LRRC7: variants seen among roughly 807,000 people sequenced by gnomAD.
LRRC7 encodes the protein leucine-rich repeat-containing protein 7.
Under a neutral mutation model 175.7 loss-of-function variants are expected in LRRC7, and 23 were observed. That is an observed-to-expected ratio of 0.13 (90% confidence interval 0.09 to 0.19). The LOEUF (loss-of-function observed/expected upper bound fraction) is 0.19. Among genes scored for constraint, LRRC7 ranks in the 10% least tolerant of loss-of-function variants. The probability of loss-of-function intolerance (pLI) is 1.00; values close to 1 mark genes in which losing one functional copy is unlikely to be tolerated. For synonymous variants in LRRC7, 685 were observed against 680.9 expected (o/e 1.01, Z -0.09); for missense variants, 1,354 against 1,904.7 (o/e 0.71, Z 5.38).
intron 1 of LRRC7, among the ~76,000 whole-genome samples, chr1:69,664,525 T>C (rs1657991323): frequency 6.6e-6 from 1 of 152,220 alleles, no homozygotes; most frequent in African/African-American, 2.4e-5. Context: ...TGATATCTCA[T>C]TGCAGTTTTG....
chr1:69,568,484 C>G lies in LRRC7; in HGVS notation c.-156C>G, dbSNP rs1027738420. The G allele has an allele frequency of 3.7e-5, 19 of 518,308 alleles. No individual in the cohort carries two copies. Among genetic ancestry groups the G allele is most frequent in the Non-Finnish European group, 5.3e-5 (17 of 320,026 alleles). 32.1% of individuals were successfully genotyped at this position (518,308 alleles called of 1,614,324 possible). A position where few individuals can be genotyped will look rare whatever the true frequency, so the allele number is the denominator to read the frequency against. Reference sequence around the variant, plus strand: ...GGCACCTTCCTGGATTCCCCTCTATCTCCTGTTCTTCCTACCTTCTACTCC... The same window carrying G: ...GGCACCTTCCTGGATTCCCCTCTATGTCCTGTTCTTCCTACCTTCTACTCC... On this transcript the variant is annotated 5_prime_UTR_variant, in exon 1 of 27. The change creates a new upstream start codon in the 5' untranslated region. Transcript: ENST00000651989.
chr1:69,813,404 T>C, intron 4 of LRRC7, among the ~76,000 whole-genome samples: 1 of 152,118 alleles, frequency 6.6e-6, no homozygotes, highest in East Asian at 1.9e-4. Context: ...CCAGTGATCA[T>C]TTCATACTTC....
At chr1:70,045,142 A>T (rs1660228084) in intron 22 of LRRC7, among the ~76,000 whole-genome samples, 1 of 152,024 alleles carries the variant, frequency 6.6e-6, no homozygotes, top group Non-Finnish European at 1.5e-5. Flanking sequence ...AGACATTTGT[A>T]GCCACAGCTT....
intron 8 of LRRC7, among the ~76,000 whole-genome samples, chr1:69,966,066 GAAAT>G (rs1364328344): frequency 2.0e-5 from 3 of 151,996 alleles, no homozygotes; most frequent in Non-Finnish European, 4.4e-5. Context: ...AAATTAAAAA[GAAAT>G]AAAAAGTTAT....
intron 2 of LRRC7, among the ~76,000 whole-genome samples, chr1:69,717,825 A>AGAAGAAAGAAAG (rs1665645386): frequency 3.5e-5 from 2 of 57,954 alleles, no homozygotes; most frequent in African/African-American, 1.8e-4. Context: ...AAAGAAAGAA[A>AGAAGAAAGAAAG]GAAAGAAAGA....
At chr1:69,648,769 C>T (rs1451873478) in intron 1 of LRRC7, among the ~76,000 whole-genome samples, 1 of 152,176 alleles carries the variant, frequency 6.6e-6, no homozygotes, top group Admixed American at 6.5e-5. Context: ...TCCTGTGTAA[C>T]CAATTTCCTT....
At chr1:69,774,669 A>T (rs1308718572) in intron 3 of LRRC7, among the ~76,000 whole-genome samples, 4 of 152,166 alleles carry the variant, frequency 2.6e-5, no homozygotes, top group African/African-American at 4.8e-5. Context: ...ATTTATGTTT[A>T]AAAAAACTTT....
Position 69,574,809 on chromosome 1 carries a change from G to A in LRRC7, c.2+6168G>A, listed in dbSNP as rs552716953. On this transcript the variant is annotated intron_variant, in intron 1 of 26. Coordinates refer to ENST00000651989, the MANE Select transcript of LRRC7 (RefSeq NM_001370785.2). ...TCATAAAATTAAATAGTTACTATCC[G>A]GTGTTCTTCTGATCAGTGTAATTCA... is the stretch of plus-strand genomic sequence containing the variant. 4.6e-5 allele frequency among the ~76,000 whole-genome samples: 7 copies of A among 152,022 alleles called. No homozygotes were observed. In the East Asian group the frequency reaches 1.2e-3, roughly 25 times the overall value.
At chr1:70,116,649 C>G (rs1665883916) in intron 26 of LRRC7, among the ~76,000 whole-genome samples, 1 of 151,500 alleles carries the variant, frequency 6.6e-6, no homozygotes, top group Non-Finnish European at 1.5e-5. Flanking sequence ...CAAACTTTCT[C>G]ACATTTACAA....
In LRRC7 at chr1:70,143,457, CAT is replaced by C. The variant is rs1163890873; in HGVS notation, c.*21572_*21573del. ...TGCAATAGTAAACATTGACATTTTA[CAT>C]AGACATATTGTATATTAATGCATGC... On this transcript the variant is annotated 3_prime_UTR_variant, in exon 27 of 27. Coordinates refer to ENST00000651989, the MANE Select transcript of LRRC7 (RefSeq NM_001370785.2). 6.6e-6 allele frequency: 1 copy of C among 151,964 alleles called. No individual in the cohort carries two copies. The highest frequency in any genetic ancestry group is 1.5e-5 in the Non-Finnish European group (1 of 67,980). 9.4% of individuals were successfully genotyped at this position (151,964 alleles called of 1,614,324 possible). A position where few individuals can be genotyped will look rare whatever the true frequency, so the allele number is the denominator to read the frequency against.
intron 1 of LRRC7, among the ~76,000 whole-genome samples, chr1:69,650,796 A>G (rs1655725315): frequency 8.2e-6 from 1 of 122,344 alleles, no homozygotes; most frequent in Non-Finnish European, 1.7e-5. Context: ...GAGTGCTTCA[A>G]AATTTTCAGA....
intron 7 of LRRC7, among the ~76,000 whole-genome samples, chr1:69,918,080 A>G (rs367652349): frequency 1.5e-3 from 236 of 152,260 alleles, no homozygotes; most frequent in African/African-American, 5.2e-3. Flanking sequence ...CAATCTATCC[A>G]TACTTTTATC....
chr1:69,693,342 C>G (rs1662139187), intron 2 of LRRC7, among the ~76,000 whole-genome samples: 1 of 152,096 alleles, frequency 6.6e-6, no homozygotes, highest in African/African-American at 2.4e-5. Context: ...AGTCACTGTT[C>G]TCAGGAGAAA....
intron 1 of LRRC7, among the ~76,000 whole-genome samples, chr1:69,627,946 A>G (rs538556438): frequency 1.3e-5 from 2 of 152,088 alleles, no homozygotes; most frequent in Non-Finnish European, 2.9e-5. Context: ...CACAGTTTAC[A>G]GTTTACTTTT....
At chr1:69,880,884 G>A (rs942156282) in intron 7 of LRRC7, among the ~76,000 whole-genome samples, 1 of 152,168 alleles carries the variant, frequency 6.6e-6, no homozygotes, top group Non-Finnish European at 1.5e-5. Context: ...ACACAGCCAT[G>A]TTCAAAGCAA....
Position 69,896,915 on chromosome 1 carries a change from T to G in LRRC7, c.648-34592T>G, listed in dbSNP as rs1308803774. Among the ~76,000 whole-genome samples, 2 of 152,154 alleles carry G rather than the reference T, an allele frequency of 1.3e-5. 1 individual carries two copies. The highest frequency in any genetic ancestry group is 3.8e-4 in the East Asian group (2 of 5,198). On this transcript the variant is annotated intron_variant, in intron 7 of 26. Coordinates refer to ENST00000651989, the MANE Select transcript of LRRC7 (RefSeq NM_001370785.2). ...CAAAGGTTAGCCTCTGAGTCTTCAT[T>G]ATTTGACTTCTACTAGAGCCTTCAG...
rs1369340081 is a variant in LRRC7, at chr1:70,142,796, G to GAAAT, written c.*20911_*20914dup. 6.6e-6 allele frequency: 1 copy of GAAAT among 152,062 alleles called. No individual in the cohort carries two copies. Among genetic ancestry groups the GAAAT allele is most frequent in the East Asian group, 1.9e-4 (1 of 5,188 alleles). The allele number at this position is 152,062 out of a possible 1,614,324, so 9.4% of individuals were successfully genotyped here. ...AACTAGGGTCTTTCTATTCAAAAAAGAAATATTAAACTAACATAAGCAATT... is the reference window on the plus strand; with the variant it reads ...AACTAGGGTCTTTCTATTCAAAAAAGAAATAAATATTAAACTAACATAAGCAATT... On this transcript the variant is annotated 3_prime_UTR_variant, in exon 27 of 27. Coordinates refer to ENST00000651989, the MANE Select transcript of LRRC7 (RefSeq NM_001370785.2).
At chr1:70,044,576 C>A (rs901944658) in intron 22 of LRRC7, among the ~76,000 whole-genome samples, 6 of 152,074 alleles carry the variant, frequency 3.9e-5, no homozygotes, top group Non-Finnish European at 8.8e-5. Context: ...CTTATAAGTG[C>A]TTCTTCAGCC....
chr1:70,069,299 G>A (rs1406283301), intron 23 of LRRC7, among the ~76,000 whole-genome samples: 1 of 152,176 alleles, frequency 6.6e-6, no homozygotes. Context: ...GCAGGACAGA[G>A]TGAGTGCAAG....
Sources: gnomAD v4.1 joint callset for allele counts (sites outside exome capture counted in the v4.1 genomes callset) on GRCh38, gnomAD v4.1.1 for gene constraint, MANE v1.5 for transcripts, NCBI Gene and HGNC (gene_info 2026-07-23, HGNC 2026-07-21) for gene names.